Variants in FGD6 observed in about 807,000 individuals in gnomAD.
The protein encoded by FGD6 is FYVE, RhoGEF and PH domain-containing protein 6.
FGD6 carries 90 observed loss-of-function variants against 149.4 expected under a neutral mutation model. That is an observed-to-expected ratio of 0.60 (90% confidence interval 0.51 to 0.72). The LOEUF is 0.72. FGD6 is among the 30% of genes least tolerant of loss of function. The probability of loss-of-function intolerance (pLI) is 0.00; values close to 1 mark genes in which losing one functional copy is unlikely to be tolerated. For missense variants in FGD6, 1,437 were observed against 1,684.8 expected, an observed-to-expected ratio of 0.85 and a Z score of 2.57; for synonymous variants, 527 against 584.0, an observed-to-expected ratio of 0.90 and a Z score of 1.41.
At chr12:95,195,671 A>T (rs1881717979) in intron 2 of FGD6, among the ~76,000 whole-genome samples, 1 of 128,518 alleles carries the variant, frequency 7.8e-6, no homozygotes, top group Admixed American at 8.0e-5. Flanking sequence ...ACAGTTTGAA[A>T]GGGCCGGGCA....
chr12:95,139,472 A>AT (rs548647247), intron 6 of FGD6, among the ~76,000 whole-genome samples: 129 of 143,168 alleles, frequency 9.0e-4, no homozygotes, highest in African/African-American at 2.4e-3. Flanking sequence ...ATAAGCCCCA[A>AT]TTTTTTTTTT....
At chr12:95,123,980 T>A (rs556737472) in intron 8 of FGD6, among the ~76,000 whole-genome samples, 2 of 151,840 alleles carry the variant, frequency 1.3e-5, no homozygotes, top group South Asian at 4.2e-4. Flanking sequence ...TATAGCTCAC[T>A]GCAGCCTCCA....
At chr12:95,197,534 G>A (rs770706577) in intron 2 of FGD6, among the ~76,000 whole-genome samples, 14 of 152,238 alleles carry the variant, frequency 9.2e-5, no homozygotes, top group African/African-American at 1.4e-4. Context: ...TATCACCTGC[G>A]TCTTTTGGGG....
At chr12:95,131,768 T>G (rs1052866580) in intron 8 of FGD6, among the ~76,000 whole-genome samples, 2 of 152,150 alleles carry the variant, frequency 1.3e-5, no homozygotes, top group Non-Finnish European at 2.9e-5. Context: ...GCCTATTATA[T>G]ATAAGGTATT....
rs1231735919 is a variant in FGD6 at position 95,086,685 on chromosome 12, G to A, written c.3979-777C>T. Among the ~76,000 whole-genome samples, 6 of 148,584 alleles carry A rather than the reference G, an allele frequency of 4.0e-5. No individual in the cohort carries two copies. The South Asian group carries it at 6.4e-4, about 16-fold the overall frequency. ...CTCCCGAGTAGCTGGGACTACAGGC[G>A]CCTGCCACCACGTCCGGCTATTTTT... On this transcript the variant is annotated intron_variant, in intron 18 of 20. Transcript: ENST00000343958.
chr12:95,082,648 C>G (rs571264119), intron 20 of FGD6, among the ~76,000 whole-genome samples: 2 of 115,482 alleles, frequency 1.7e-5, no homozygotes, highest in African/African-American at 6.5e-5. Flanking sequence ...CAGAGCGAGA[C>G]TGTCTCAAAA....
At chr12:95,110,437 C>A (rs1370235512) in intron 9 of FGD6, among the ~76,000 whole-genome samples, 1 of 151,362 alleles carries the variant, frequency 6.6e-6, no homozygotes, top group Non-Finnish European at 1.5e-5. Flanking sequence ...GCTTACTCAA[C>A]CTCCGCCTCC....
chr12:95,194,084 C>A (rs140723097), intron 2 of FGD6, among the ~76,000 whole-genome samples: 2 of 152,034 alleles, frequency 1.3e-5, no homozygotes, highest in East Asian at 3.9e-4. Context: ...CGGGCATGTA[C>A]CATCACGTTT....
Position 95,081,424 on chromosome 12 carries a change from G to T in FGD6, c.*96C>A. ...GAAGGGTCTGGTTGGCTTTATCTTG[G>T]CAGTGTTCATTTTTATACAATTTTT... is the stretch of plus-strand genomic sequence containing the variant. On this transcript the variant is annotated 3_prime_UTR_variant, in exon 21 of 21. Coordinates refer to ENST00000343958, the MANE Select transcript of FGD6 (RefSeq NM_018351.4). 2 of 1,067,092 alleles carry T rather than the reference G, an allele frequency of 1.9e-6. No homozygotes were observed. Among genetic ancestry groups the T allele is most frequent in the Non-Finnish European group, 2.6e-6 (2 of 762,730 alleles). The allele number at this position is 1,067,092 out of a possible 1,614,324, so 66.1% of individuals were successfully genotyped here.
At chr12:95,094,746 C>T (rs767711152) in intron 14 of FGD6, 52 bp from the exon 15 acceptor site, 3 of 1,337,506 alleles carry the variant, frequency 2.2e-6, no homozygotes, top group Non-Finnish European at 3.2e-6. Context: ...TGTTCTTTTC[C>T]TTTTTCTTCT....
At chr12:95,082,383 C>T (rs564946739) in intron 20 of FGD6, among the ~76,000 whole-genome samples, 7 of 141,794 alleles carry the variant, frequency 4.9e-5, no homozygotes, top group East Asian at 2.1e-4. Flanking sequence ...CTCGGCTGGG[C>T]GCCGTGGCTC....
At chr12:95,182,240 A>C (rs1284541464) in intron 2 of FGD6, among the ~76,000 whole-genome samples, 3 of 106,342 alleles carry the variant, frequency 2.8e-5, no homozygotes, top group African/African-American at 1.1e-4. Flanking sequence ...TTTTTTTTGG[A>C]GATGGAAGCT....
intron 1 of FGD6, among the ~76,000 whole-genome samples, chr12:95,216,716 T>C (rs2056803965): frequency 6.7e-6 from 1 of 148,410 alleles, no homozygotes; most frequent in Admixed American, 6.7e-5. Flanking sequence ...ACTCCTCTGC[T>C]TCTCAGGTAA....
intron 3 of FGD6, among the ~76,000 whole-genome samples, chr12:95,165,129 G>T (rs913797129): frequency 1.3e-5 from 2 of 152,146 alleles, no homozygotes; most frequent in Admixed American, 6.6e-5. Flanking sequence ...GGACAGATCA[G>T]CATGGCTAGG....
At chr12:95,118,629 A>G (rs188841752) in intron 8 of FGD6, among the ~76,000 whole-genome samples, 126 of 152,340 alleles carry the variant, frequency 8.3e-4, no homozygotes, top group African/African-American at 2.9e-3. Flanking sequence ...AGCAAAGCAC[A>G]GAGGAAATGA....
chr12:95,153,294 C>T (rs988418107), intron 3 of FGD6, among the ~76,000 whole-genome samples: 2 of 152,176 alleles, frequency 1.3e-5, no homozygotes, highest in Admixed American at 1.3e-4. Context: ...AAGTCACAAA[C>T]TAAAAAGGCT....
At chr12:95,184,003 A>AT (rs1299487484) in intron 2 of FGD6, among the ~76,000 whole-genome samples, 3 of 152,238 alleles carry the variant, frequency 2.0e-5, no homozygotes, top group Non-Finnish European at 4.4e-5. Context: ...TTTTGCATAT[A>AT]CATCTAGACT....
intron 14 of FGD6, among the ~76,000 whole-genome samples, chr12:95,095,289 C>T (rs1878197588): frequency 1.3e-5 from 2 of 152,076 alleles, no homozygotes; most frequent in African/African-American, 4.8e-5. Context: ...GTTCTCTGTC[C>T]CTACCCAGCT....
At chr12:95,112,403 C>T (rs1231813227) in intron 9 of FGD6, among the ~76,000 whole-genome samples, 1 of 152,020 alleles carries the variant, frequency 6.6e-6, no homozygotes, top group Non-Finnish European at 1.5e-5. Context: ...AGTTCGAGAC[C>T]AGCCTGGCCA....
Sources: gnomAD v4.1 joint callset for allele counts (sites outside exome capture counted in the v4.1 genomes callset) on GRCh38, gnomAD v4.1.1 for gene constraint, MANE v1.5 for transcripts, NCBI Gene and HGNC (gene_info 2026-07-23, HGNC 2026-07-21) for gene names.